Variants in PDK1 observed in about 807,000 individuals in gnomAD.
The protein encoded by PDK1 is pyruvate dehydrogenase kinase 1.
A neutral mutation model predicts 54.2 loss-of-function variants in PDK1; 39 were observed. That is an observed-to-expected ratio of 0.72 (90% CI 0.56 to 0.94). PDK1 has a LOEUF of 0.94. Ranked by LOEUF, PDK1 falls within the 40% of genes least tolerant of loss-of-function variation. PDK1 has a pLI of 0.00. For synonymous variants in PDK1, 221 were observed against 207.1 expected (o/e 1.07, Z -0.58); for missense variants, 552 against 566.0 (o/e 0.98, Z 0.25).
At chr2:172,711,865 CAA>C in the PDK1 span, among the ~76,000 whole-genome samples, 22 of 22,778 alleles carry the variant, frequency 9.7e-4, no homozygotes, top group African/African-American at 1.3e-3. Flanking sequence ...GAACCTAGCT[CAA>C]AAAAAAAAAA....
Position 172,577,707 on chromosome 2 carries a change from T to C in PDK1, c.945+6883T>C, listed in dbSNP as rs547010333. ...CAATAGTATACACTGACTTTTCTCC[T>C]AAATAGGCCTTTTCCCCTCCCCACC... On this transcript the variant is annotated intron_variant, in intron 8 of 10. Coordinates refer to ENST00000282077, the MANE Select transcript of PDK1 (RefSeq NM_002610.5). Among the ~76,000 whole-genome samples, 4 of 152,288 alleles carry C rather than the reference T, an allele frequency of 2.6e-5. No homozygotes were observed. The South Asian group carries it at 6.2e-4, about 24-fold the overall frequency.
intron 8 of PDK1, among the ~76,000 whole-genome samples, chr2:172,585,297 C>G (rs1690156350): frequency 6.6e-6 from 1 of 150,764 alleles, no homozygotes. Context: ...CCATGCCCAG[C>G]CTAGTACATG....
chr2:172,629,262 G>A, the PDK1 span, among the ~76,000 whole-genome samples: 1 of 152,224 alleles, frequency 6.6e-6, no homozygotes, highest in East Asian at 1.9e-4. Context: ...GGCCCAAAGT[G>A]AGAACATGCA....
chr2:172,568,928 A>G (rs1246540674), intron 7 of PDK1, 111 bp downstream of exon 7: 4 of 684,038 alleles, frequency 5.8e-6, no homozygotes, highest in Non-Finnish European at 1.1e-5. Flanking sequence ...GCCATTTCAC[A>G]TCAGTATCAT....
chr2:172,656,589 C>T, the PDK1 span, among the ~76,000 whole-genome samples: 1 of 152,140 alleles, frequency 6.6e-6, no homozygotes, highest in African/African-American at 2.4e-5. Flanking sequence ...TTAAAGAAAA[C>T]AAAGCCTCTA....
the PDK1 span, among the ~76,000 whole-genome samples, chr2:172,708,611 C>T: frequency 6.6e-6 from 1 of 152,154 alleles, no homozygotes. Context: ...ATAATTGATA[C>T]AGGTTGAGTA....
chr2:172,562,923 C>T, intron 3 of PDK1: 1 of 808,958 alleles, frequency 1.2e-6, no homozygotes, highest in Non-Finnish European at 1.9e-6. Flanking sequence ...ATCTCTTGTC[C>T]TCAGTTAGTT....
At chr2:172,613,462 C>A (rs1203617655), downstream of PDK1, among the ~76,000 whole-genome samples, 6 of 148,634 alleles carry the variant, frequency 4.0e-5, no homozygotes, top group Non-Finnish European at 6.0e-5. Flanking sequence ...CTGCTAATTC[C>A]TTTTTTTTTT....
At chr2:172,668,923 AG>A in the PDK1 span, among the ~76,000 whole-genome samples, 1 of 146,650 alleles carries the variant, frequency 6.8e-6, no homozygotes, top group African/African-American at 2.5e-5. Flanking sequence ...AGAGAGAGAG[AG>A]AGAGAGAGAG....
At chr2:172,573,522 CATACAT>C (rs924559500) in intron 8 of PDK1, among the ~76,000 whole-genome samples, 1 of 151,172 alleles carries the variant, frequency 6.6e-6, no homozygotes. Flanking sequence ...TATACACACA[CATACAT>C]ATACATATAT....
the PDK1 span, among the ~76,000 whole-genome samples, chr2:172,664,165 G>A: frequency 6.6e-6 from 1 of 151,660 alleles, no homozygotes; most frequent in Non-Finnish European, 1.5e-5. Context: ...CACAAAATTA[G>A]CCGGGCATGG....
At chr2:172,636,327 C>G in the PDK1 span, among the ~76,000 whole-genome samples, 1 of 152,064 alleles carries the variant, frequency 6.6e-6, no homozygotes, top group Non-Finnish European at 1.5e-5. Flanking sequence ...CGGAGGAAGA[C>G]AAAGGGAGCC....
intron 8 of PDK1, among the ~76,000 whole-genome samples, chr2:172,577,959 C>T (rs943507740): frequency 2.0e-5 from 3 of 152,092 alleles, no homozygotes; most frequent in African/African-American, 7.2e-5. Context: ...TGTCTAGTAT[C>T]CTTTTGTTTC....
the PDK1 span, among the ~76,000 whole-genome samples, chr2:172,623,359 A>G: frequency 2.0e-5 from 3 of 152,270 alleles, no homozygotes; most frequent in African/African-American, 7.2e-5. Flanking sequence ...AGCAGCTATG[A>G]TTCCACTCCT....
downstream of PDK1, among the ~76,000 whole-genome samples, chr2:172,609,759 G>T (rs1294466161): frequency 6.6e-6 from 1 of 152,230 alleles, no homozygotes; most frequent in Non-Finnish European, 1.5e-5. Flanking sequence ...GGCAAATGCA[G>T]TAGATGGGCC....
At chr2:172,702,310 C>G in the PDK1 span, among the ~76,000 whole-genome samples, 50 of 152,214 alleles carry the variant, frequency 3.3e-4, 1 homozygote, top group African/African-American at 1.1e-3. Flanking sequence ...AACCCTGTCT[C>G]TACAAAAATA....
the PDK1 span, among the ~76,000 whole-genome samples, chr2:172,636,782 G>A: frequency 6.6e-6 from 1 of 150,604 alleles, no homozygotes; most frequent in Non-Finnish European, 1.5e-5. Flanking sequence ...AGACATTCAT[G>A]AGGGATCTAC....
chr2:172,573,954 A>G (rs969233698), intron 8 of PDK1, among the ~76,000 whole-genome samples: 2 of 152,070 alleles, frequency 1.3e-5, no homozygotes, highest in African/African-American at 4.8e-5. Context: ...GAAAATTTTC[A>G]ATTTTTTTTT....
At chr2:172,703,159 G>A in the PDK1 span, among the ~76,000 whole-genome samples, 2 of 152,106 alleles carry the variant, frequency 1.3e-5, no homozygotes, top group Admixed American at 6.5e-5. Flanking sequence ...AGACAGAGGC[G>A]AAGGTGAGAG....
Sources: gnomAD v4.1 joint callset for allele counts (sites outside exome capture counted in the v4.1 genomes callset) on GRCh38, gnomAD v4.1.1 for gene constraint, MANE v1.5 for transcripts, NCBI Gene and HGNC (gene_info 2026-07-23, HGNC 2026-07-21) for gene names.